The following SH3BP5 variants were observed in gnomAD, a reference collection of about 807,000 sequenced individuals.
SH3BP5 encodes the protein SH3 domain-binding protein 5.
Under a neutral mutation model 43.3 loss-of-function variants are expected in SH3BP5, and 22 were observed. The observed-to-expected ratio is 0.51, with a 90% CI of 0.36 to 0.73. The LOEUF (loss-of-function observed/expected upper bound fraction) is 0.73, where lower values mean the gene tolerates loss of function less well. Among genes scored for constraint, SH3BP5 ranks in the 30% least tolerant of loss-of-function variants. The pLI is 0.00. For synonymous variants in SH3BP5, 255 were observed against 225.8 expected (o/e 1.13, Z -1.16); for missense variants, 529 against 586.9 (o/e 0.90, Z 1.02).
intron 3 of SH3BP5, chr3:15,273,294 A>G: frequency 1.0e-6 from 1 of 985,458 alleles, no homozygotes; most frequent in Non-Finnish European, 1.2e-6. Flanking sequence ...TCAAGCAAGA[A>G]AAGATGCTCT....
intron 3 of SH3BP5, among the ~76,000 whole-genome samples, chr3:15,276,549 T>C (rs548318311): frequency 1.3e-5 from 2 of 152,168 alleles, no homozygotes; most frequent in Non-Finnish European, 2.9e-5. Flanking sequence ...AAAGACAAGA[T>C]GGAAACCCCA....
intron 1 of SH3BP5, 133 bp from the exon 2 acceptor site, chr3:15,330,699 C>T (rs555516678): frequency 5.7e-6 from 8 of 1,398,024 alleles, no homozygotes; most frequent in Non-Finnish European, 7.4e-6. Context: ...TTAATTCTTA[C>T]GGCAAACAGT....
intron 3 of SH3BP5, among the ~76,000 whole-genome samples, chr3:15,277,829 C>T (rs1697014462): frequency 6.6e-6 from 1 of 152,118 alleles, no homozygotes; most frequent in Non-Finnish European, 1.5e-5. Context: ...CAGCACTTGG[C>T]CAAAGCAATG....
At chr3:15,257,421 G>A (rs1338375209) in intron 7 of SH3BP5, 2 of 298,262 alleles carry the variant, frequency 6.7e-6, no homozygotes, top group Non-Finnish European at 1.3e-5. Flanking sequence ...CACAAATTAG[G>A]ACCTTTACTC....
At chr3:15,330,785 G>A in intron 1 of SH3BP5, 1 of 983,322 alleles carries the variant, frequency 1.0e-6, no homozygotes, top group South Asian at 4.7e-5. Flanking sequence ...TTTTGACAAT[G>A]TCTTCAGAGA....
chr3:15,301,430 G>T lies in SH3BP5; in HGVS notation c.330+2673C>A, dbSNP rs1020048881. On this transcript the variant is annotated intron_variant, in intron 3 of 8. Transcript: ENST00000383791. ...TCTGTATGCTGGCATTGCAGATCCAGCAAGGAGCCAAACGAATGAAACTCT... is the reference window on the plus strand; with the variant it reads ...TCTGTATGCTGGCATTGCAGATCCATCAAGGAGCCAAACGAATGAAACTCT... Among the ~76,000 whole-genome samples the T allele has an allele frequency of 5.9e-5, 9 of 152,274 alleles. 1 individual carries two copies. The South Asian group carries it at 1.4e-3, about 25-fold the overall frequency.
Position 15,262,227 on chromosome 3 carries a change from C to T in SH3BP5, c.558G>A (p.Arg186=), listed in dbSNP as rs140081283. ...GCATGCGGCCCATGGCGGCATTGTA[C>T]CTGGCTGCCGTCTCCTTATGCACCA... ...SELVHKETAA[R]YNAAMGRMRQ... is the part of the protein sequence containing the mutation. The change falls in exon 5 of 9, where the codon AGG becomes AGA. Residue 186 remains arginine (R), a synonymous_variant. Coordinates refer to ENST00000383791, the MANE Select transcript of SH3BP5 (RefSeq NM_004844.5). The T allele has an allele frequency of 1.7e-4, 275 of 1,614,070 alleles. No individual in the cohort carries two copies. The highest frequency in any genetic ancestry group is 2.2e-4 in the Non-Finnish European group (260 of 1,180,052).
intron 3 of SH3BP5, among the ~76,000 whole-genome samples, chr3:15,288,019 T>C (rs546858406): frequency 6.6e-6 from 1 of 152,354 alleles, no homozygotes; most frequent in East Asian, 1.9e-4. Context: ...CGTGCAATTA[T>C]GGAGGCTGGC....
chr3:15,339,395 C>A (rs1171187341), intron 1 of SH3BP5, among the ~76,000 whole-genome samples: 1 of 152,066 alleles, frequency 6.6e-6, no homozygotes, highest in African/African-American at 2.4e-5. Context: ...TGCTGGAATC[C>A]TGGAGATGGA....
chr3:15,266,818 G>A (rs141887380), intron 4 of SH3BP5, among the ~76,000 whole-genome samples: 10 of 152,298 alleles, frequency 6.6e-5, no homozygotes, highest in African/African-American at 1.9e-4. Context: ...CTAGTATATC[G>A]GCTTCAGCCA....
intron 2 of SH3BP5, among the ~76,000 whole-genome samples, chr3:15,327,656 C>T (rs111296951): frequency 4.6e-5 from 7 of 152,360 alleles, no homozygotes; most frequent in Non-Finnish European, 7.3e-5. Flanking sequence ...CAACCAAAAA[C>T]GTAAACTCCT....
chr3:15,319,857 C>G (rs62242103), intron 2 of SH3BP5, among the ~76,000 whole-genome samples: 1 of 152,160 alleles, frequency 6.6e-6, no homozygotes, highest in Admixed American at 6.5e-5. Context: ...GCATAAAACT[C>G]CTCAAGCAAG....
At chr3:15,310,033 C>T (rs1698013445) in intron 2 of SH3BP5, among the ~76,000 whole-genome samples, 1 of 152,020 alleles carries the variant, frequency 6.6e-6, no homozygotes, top group African/African-American at 2.4e-5. Context: ...TCCTGTCTCC[C>T]CAGTGTTACA....
chr3:15,319,580 C>G (rs1307598873), intron 2 of SH3BP5, among the ~76,000 whole-genome samples: 1 of 152,156 alleles, frequency 6.6e-6, no homozygotes, highest in Non-Finnish European at 1.5e-5. Flanking sequence ...AATAGAAGAG[C>G]TGCTCTGAAG....
rs1341571389 is a variant in SH3BP5 at position 15,262,237 on chromosome 3, G to A, written c.548C>T (p.Thr183Met). The A allele has an allele frequency of 3.7e-6, 6 of 1,614,092 alleles. No homozygotes were observed. The highest frequency in any genetic ancestry group is 2.2e-5 in the East Asian group (1 of 44,872). Residue 183 changes from threonine to methionine, a missense_variant, in exon 5 of 9, where the codon ACG (threonine) becomes ATG (methionine). Thr to Met is a moderately conservative substitution (Grantham distance 81, BLOSUM62 -1). Transcript: ENST00000383791. ...CATGGCGGCATTGTACCTGGCTGCC[G>A]TCTCCTTATGCACCAGCTCGCTCCT... ...KTRSELVHKE[T>M]AARYNAAMGR... is the part of the protein sequence containing the mutation.
chr3:15,258,817 AG>A lies in SH3BP5; in HGVS notation c.889+13del. The A allele has an allele frequency of 6.2e-7, 1 of 1,602,426 alleles. No homozygotes were observed. Among genetic ancestry groups the A allele is most frequent in the South Asian group, 1.1e-5 (1 of 90,818 alleles). Reference sequence around the variant, plus strand: ...TGATATCTCCCCACATACCCAGTGGAGCCCCTGACTTACCAGAAATGGCATC... The same window carrying A: ...TGATATCTCCCCACATACCCAGTGGACCCCTGACTTACCAGAAATGGCATC... On this transcript the variant is annotated intron_variant, in intron 7 of 8. Coordinates refer to ENST00000383791, the MANE Select transcript of SH3BP5 (RefSeq NM_004844.5).
At chr3:15,272,999 T>C (rs1461459191) in intron 3 of SH3BP5, 1 of 305,584 alleles carries the variant, frequency 3.3e-6, no homozygotes, top group Non-Finnish European at 4.8e-6. Context: ...AGTTCTTTCA[T>C]GTGAGGACAG....
chr3:15,311,930 A>T (rs1279370649), intron 2 of SH3BP5, among the ~76,000 whole-genome samples: 3 of 152,048 alleles, frequency 2.0e-5, no homozygotes, highest in Admixed American at 2.0e-4. Context: ...TCGGCCTCCC[A>T]AACTGTTGTG....
In SH3BP5 at chr3:15,304,505, G is replaced by T. The variant is rs144691670; in HGVS notation, c.202-274C>A. Among the ~76,000 whole-genome samples the T allele has an allele frequency of 5.9e-5, 9 of 152,322 alleles. No homozygotes were observed. In the East Asian group the frequency reaches 1.7e-3, roughly 29 times the overall value. ...AACTGGCCGGTGTGACTGAGGAAAG[G>T]AGTTTTTAGTTTATTTAATTTTAAT... is the stretch of plus-strand genomic sequence containing the variant. On this transcript the variant is annotated intron_variant, in intron 2 of 8. Transcript: ENST00000383791.
Sources: gnomAD v4.1 joint callset for allele counts (sites outside exome capture counted in the v4.1 genomes callset) on GRCh38, gnomAD v4.1.1 for gene constraint, MANE v1.5 for transcripts, NCBI Gene and HGNC (gene_info 2026-07-23, HGNC 2026-07-21) for gene names.